Variants in PPP6R3 observed in about 807,000 individuals in gnomAD.
The protein encoded by PPP6R3 is protein phosphatase 6 regulatory subunit 3, also known as serine/threonine-protein phosphatase 6 regulatory subunit 3.
A neutral mutation model predicts 110.7 loss-of-function variants in PPP6R3; 38 were observed. The observed-to-expected ratio is 0.34, with a 90% CI of 0.26 to 0.45. PPP6R3 has a LOEUF of 0.45. Among genes scored for constraint, PPP6R3 ranks in the 20% least tolerant of loss-of-function variants. The pLI, the probability that PPP6R3 is intolerant of heterozygous loss-of-function variation, is 1.00. For synonymous variants in PPP6R3, 369 were observed against 373.5 expected, an observed-to-expected ratio of 0.99 and a Z score of 0.14; for missense variants, 870 against 1,062.4, an observed-to-expected ratio of 0.82 and a Z score of 2.52.
rs573628338 is a variant in PPP6R3, at chr11:68,481,209, CAA to C, written c.-158+20383_-158+20384del. On this transcript the variant is annotated intron_variant, in intron 1 of 23. Transcript: ENST00000393800. ...TAAATTAAAAAGAGGCCATCAGAAACAAGAGCCGTGGAGGGACATAATGACAC... is the reference window on the plus strand; with the variant it reads ...TAAATTAAAAAGAGGCCATCAGAAACGAGCCGTGGAGGGACATAATGACAC... 1.4e-3 allele frequency among the ~76,000 whole-genome samples: 215 copies of C among 152,254 alleles called. 1 individual carries two copies. The highest frequency in any genetic ancestry group is 4.8e-3 in the African/African-American group (201 of 41,536).
At chr11:68,556,559 AAAAC>A (rs1466487188) in intron 7 of PPP6R3, among the ~76,000 whole-genome samples, 5 of 151,990 alleles carry the variant, frequency 3.3e-5, no homozygotes, top group Non-Finnish European at 5.9e-5. Context: ...ACGAAAAAAA[AAAAC>A]AATGAGCCAT....
chr11:68,491,508 T>A (rs567003394), intron 1 of PPP6R3, among the ~76,000 whole-genome samples: 1 of 152,180 alleles, frequency 6.6e-6, no homozygotes, highest in African/African-American at 2.4e-5. Flanking sequence ...TGTGCCCAGC[T>A]ATTTTTTTAA....
chr11:68,546,434 A>G (rs2153681835), intron 4 of PPP6R3, among the ~76,000 whole-genome samples: 1 of 152,332 alleles, frequency 6.6e-6, no homozygotes, highest in South Asian at 2.1e-4. Flanking sequence ...AAGAGAGAGA[A>G]TACACTTAAA....
At chr11:68,565,678 C>T (rs1309601072) in intron 9 of PPP6R3, among the ~76,000 whole-genome samples, 1 of 152,004 alleles carries the variant, frequency 6.6e-6, no homozygotes, top group African/African-American at 2.4e-5. Context: ...GCATCTGGTT[C>T]TGGGCCCCGA....
At chr11:68,602,030 C>T in intron 21 of PPP6R3, 61 bp downstream of exon 21, 1 of 1,357,278 alleles carries the variant, frequency 7.4e-7, no homozygotes, top group African/African-American at 1.5e-5. Flanking sequence ...CAAACCAGAC[C>T]TGATTCTCAG....
At chr11:68,493,920 G>A (rs990341247) in intron 1 of PPP6R3, among the ~76,000 whole-genome samples, 1 of 150,794 alleles carries the variant, frequency 6.6e-6, no homozygotes, top group African/African-American at 2.4e-5. Context: ...GGCTAACACG[G>A]TATAACCCCC....
At chr11:68,580,400 A>G (rs1026938956) in intron 14 of PPP6R3, among the ~76,000 whole-genome samples, 13 of 152,146 alleles carry the variant, frequency 8.5e-5, no homozygotes, top group African/African-American at 2.9e-4. Flanking sequence ...AGGTGGGGCA[A>G]GAGCTAGGAG....
At chr11:68,515,160 C>T (rs950127614) in intron 1 of PPP6R3, 6 of 152,318 alleles carry the variant, frequency 3.9e-5, no homozygotes, top group African/African-American at 1.2e-4. Flanking sequence ...AACAGAGCTT[C>T]GTGCAGGTGG....
chr11:68,485,173 A>G (rs768966469), intron 1 of PPP6R3, among the ~76,000 whole-genome samples: 3 of 151,658 alleles, frequency 2.0e-5, no homozygotes, highest in Non-Finnish European at 2.9e-5. Flanking sequence ...TTTATTTTCA[A>G]ATTCCACTTG....
At chr11:68,596,491 T>C (rs1456678253) in intron 19 of PPP6R3, among the ~76,000 whole-genome samples, 1 of 152,210 alleles carries the variant, frequency 6.6e-6, no homozygotes. Flanking sequence ...AGCCCACTGC[T>C]AGGTCAGTCT....
intron 18 of PPP6R3, among the ~76,000 whole-genome samples, chr11:68,594,965 A>G (rs4340059): frequency 0.38 from 57,689 of 152,034 alleles, 12,153 homozygotes; most frequent in African/African-American, 0.55. Context: ...CAATTCAGTG[A>G]AGAAAGGATA....
At chr11:68,544,308 T>C (rs1045102479) in intron 3 of PPP6R3, among the ~76,000 whole-genome samples, 4 of 152,212 alleles carry the variant, frequency 2.6e-5, no homozygotes, top group African/African-American at 7.2e-5. Flanking sequence ...AGTAGGATGC[T>C]TACTCTCTTA....
At chr11:68,585,121 G>T (rs973481579) in intron 15 of PPP6R3, among the ~76,000 whole-genome samples, 2 of 152,188 alleles carry the variant, frequency 1.3e-5, no homozygotes, top group Non-Finnish European at 2.9e-5. Context: ...TCACCAGTGG[G>T]GAGTGCCTCC....
At chr11:68,484,779 G>A (rs902695665) in intron 1 of PPP6R3, among the ~76,000 whole-genome samples, 2 of 151,966 alleles carry the variant, frequency 1.3e-5, no homozygotes, top group Admixed American at 1.3e-4. Flanking sequence ...TAGAGATGGG[G>A]TTTCACCATG....
At chr11:68,555,629 T>A (rs1593065890) in intron 7 of PPP6R3, among the ~76,000 whole-genome samples, 1 of 152,202 alleles carries the variant, frequency 6.6e-6, no homozygotes, top group East Asian at 1.9e-4. Flanking sequence ...CACACAGCTT[T>A]ATTTGGACCC....
At chr11:68,552,335 T>C (rs562632337) in intron 6 of PPP6R3, among the ~76,000 whole-genome samples, 1 of 152,308 alleles carries the variant, frequency 6.6e-6, no homozygotes, top group African/African-American at 2.4e-5. Context: ...CAATGGAGGC[T>C]CCTCTCTCTC....
In PPP6R3 at chr11:68,614,716, T is replaced by A. The variant is rs1021796289; in HGVS notation, c.*1599T>A. ...TGGCAAGGGTGGGTCCCTTGACCTT[T>A]GCACGCCTCCTCAGGAACCCCCTTT... On this transcript the variant is annotated 3_prime_UTR_variant, in exon 24 of 24. Transcript: ENST00000393800. The A allele has an allele frequency of 5.2e-5, 80 of 1,535,370 alleles. No individual in the cohort carries two copies. The Admixed American group carries it at 1.6e-3, about 31-fold the overall frequency.
At chr11:68,484,144 A>G (rs1480299155) in intron 1 of PPP6R3, among the ~76,000 whole-genome samples, 1 of 152,154 alleles carries the variant, frequency 6.6e-6, no homozygotes, top group Non-Finnish European at 1.5e-5. Flanking sequence ...TTGCTTCCCA[A>G]TTTTGGCAAT....
At chr11:68,492,145 C>T (rs1235277181) in intron 1 of PPP6R3, among the ~76,000 whole-genome samples, 1 of 152,020 alleles carries the variant, frequency 6.6e-6, no homozygotes, top group Non-Finnish European at 1.5e-5. Context: ...AGGATGTGTC[C>T]GAATTTCCTT....
Sources: gnomAD v4.1 joint callset for allele counts (sites outside exome capture counted in the v4.1 genomes callset) on GRCh38, gnomAD v4.1.1 for gene constraint, MANE v1.5 for transcripts, NCBI Gene and HGNC (gene_info 2026-07-23, HGNC 2026-07-21) for gene names.